The following PIWIL1 variants were observed in gnomAD, a reference collection of about 807,000 sequenced individuals.
PIWIL1 encodes the protein piwi like RNA-mediated gene silencing 1, also known as piwi-like protein 1.
PIWIL1 carries 73 observed loss-of-function variants against 114.4 expected under a neutral mutation model. The ratio of observed to expected loss-of-function variants is 0.64; its 90% confidence interval spans 0.53 to 0.78. PIWIL1 has a LOEUF of 0.78. Among genes scored for constraint, PIWIL1 ranks in the 30% least tolerant of loss-of-function variants. PIWIL1 has a pLI of 0.00. For missense variants in PIWIL1, 723 were observed against 1,063.1 expected (o/e 0.68, Z 4.45); for synonymous variants, 375 against 369.0 (o/e 1.02, Z -0.19).
chr12:130,424,707 G>A, the PIWIL1 span: 61 of 1,232,164 alleles, frequency 5.0e-5, no homozygotes, highest in South Asian at 1.6e-4. The surrounding 1 kb of genome is among the most constrained non-coding windows in gnomAD (Gnocchi z 9.8). Context: ...CCTGGGGGAC[G>A]GCCCTGCACC....
chr12:130,367,722 GC>G, intron 19 of PIWIL1, among the ~76,000 whole-genome samples: 1 of 152,354 alleles, frequency 6.6e-6, no homozygotes, highest in African/African-American at 2.4e-5. Context: ...CAGAATGCCA[GC>G]CGGAGCTTAC....
Position 130,355,744 on chromosome 12 carries a change from G to T in PIWIL1, c.1404+77G>T, listed in dbSNP as rs568861063. 26 of 1,008,168 alleles carry T rather than the reference G, an allele frequency of 2.6e-5. No individual in the cohort carries two copies. The East Asian group carries it at 5.5e-4, about 21-fold the overall frequency. 62.5% of individuals were successfully genotyped at this position (1,008,168 alleles called of 1,614,324 possible). On this transcript the variant is annotated intron_variant, in intron 12 of 20. Transcript: ENST00000245255. ...TCTGTCCCCCAGGCAGGAGTACAGT[G>T]GTGCAATCTCAGCTCACTGCAAGCT...
intron 12 of PIWIL1, among the ~76,000 whole-genome samples, chr12:130,356,336 G>T (rs1361961985): frequency 6.7e-6 from 1 of 148,178 alleles, no homozygotes; most frequent in Admixed American, 6.8e-5. Context: ...AATGTCCTGT[G>T]AACAGTGATC....
At chr12:130,406,953 T>C in the PIWIL1 span, among the ~76,000 whole-genome samples, 32,600 of 152,196 alleles carry the variant, frequency 0.21, 3,849 homozygotes, top group Non-Finnish European at 0.27. Flanking sequence ...AACATCTCTT[T>C]ATTCAGTGTC....
intron 10 of PIWIL1, 78 bp from the exon 11 acceptor site, chr12:130,354,810 A>G (rs1402966501): frequency 1.0e-5 from 14 of 1,371,884 alleles, no homozygotes; most frequent in Non-Finnish European, 1.2e-5. Context: ...ATTCCCACTC[A>G]CCATCACCCT....
At chr12:130,414,514 G>C in the PIWIL1 span, 1 of 465,626 alleles carries the variant, frequency 2.1e-6, no homozygotes, top group Non-Finnish European at 3.8e-6. Context: ...CTCTGTACCT[G>C]GCCACACTGC....
chr12:130,368,869 G>A (rs2073741422), intron 19 of PIWIL1, among the ~76,000 whole-genome samples: 1 of 151,922 alleles, frequency 6.6e-6, no homozygotes, highest in Admixed American at 6.6e-5. Flanking sequence ...CGGACACCTG[G>A]AGAAGCCCAC....
the PIWIL1 span, among the ~76,000 whole-genome samples, chr12:130,415,103 G>T: frequency 6.6e-6 from 1 of 152,064 alleles, no homozygotes; most frequent in Non-Finnish European, 1.5e-5. Context: ...AACAAAAAGA[G>T]AAAACTACAG....
At chr12:130,370,446 T>C (rs2073788305) in intron 19 of PIWIL1, among the ~76,000 whole-genome samples, 1 of 152,148 alleles carries the variant, frequency 6.6e-6, no homozygotes, top group Non-Finnish European at 1.5e-5. Context: ...AGCATTTGCA[T>C]TGTATTAGGT....
At chr12:130,358,484 A>C (rs2073425024) in intron 14 of PIWIL1, among the ~76,000 whole-genome samples, 1 of 152,140 alleles carries the variant, frequency 6.6e-6, no homozygotes, top group Admixed American at 6.6e-5. Context: ...TTTAGGTGGT[A>C]GTAATAATAG....
At chr12:130,423,477 C>T in the PIWIL1 span, among the ~76,000 whole-genome samples, 40,667 of 151,862 alleles carry the variant, frequency 0.27, 6,968 homozygotes, top group African/African-American at 0.47. Flanking sequence ...GCAAATGTTC[C>T]GAAAAGAGGA....
rs1466294161 is a variant in PIWIL1 at position 130,348,118 on chromosome 12, G to A, written c.669G>A (p.Met223Ile). 1 of 1,602,778 alleles carries A rather than the reference G, an allele frequency of 6.2e-7. No homozygotes were observed. Among genetic ancestry groups the A allele is most frequent in the East Asian group, 2.2e-5 (1 of 44,806 alleles). Reference sequence around the variant, plus strand: ...CCATTTCTAGGCTTTTGAAAATCATGAATTTGCAACAAATTGGACGAAATT... The same window carrying A: ...CCATTTCTAGGCTTTTGAAAATCATAAATTTGCAACAAATTGGACGAAATT... ...NIIFRRLLKI[M>I]NLQQIGRNYY... The change falls in exon 7 of 21, where the codon ATG becomes ATA. Residue 223 changes from methionine to isoleucine, a missense_variant. Physicochemically the swap from Met to Ile is conservative, Grantham distance 10 (BLOSUM62 1). Transcript: ENST00000245255.
At chr12:130,379,461 G>T in the PIWIL1 span, among the ~76,000 whole-genome samples, 10 of 114,768 alleles carry the variant, frequency 8.7e-5, no homozygotes, top group African/African-American at 2.8e-4. Context: ...AGCATTGACA[G>T]TTCCTTCAAT....
rs367867801 is a variant in PIWIL1, at chr12:130,346,353, A to G, written c.317-17A>G. 20 of 1,583,292 alleles carry G rather than the reference A, an allele frequency of 1.3e-5. No homozygotes were observed. Among genetic ancestry groups the G allele is most frequent in the South Asian group, 1.0e-4 (9 of 89,308 alleles). On this transcript the variant is annotated splice_polypyrimidine_tract_variant and intron_variant, in intron 4 of 20. Transcript: ENST00000245255. ...AAACTTGATATTTTGTTAATTGACT[A>G]TAACTTCCTTTTCCAGGTTCTTCAG...
chr12:130,355,355 T>A (rs1158006589), intron 11 of PIWIL1, among the ~76,000 whole-genome samples, 198 bp from the exon 12 acceptor site: 1 of 152,208 alleles, frequency 6.6e-6, no homozygotes, highest in Non-Finnish European at 1.5e-5. Context: ...AATTTTAAGT[T>A]AAAGAATGTC....
the PIWIL1 span, chr12:130,424,633 G>T: frequency 8.1e-7 from 1 of 1,231,882 alleles, no homozygotes. The surrounding 1 kb of genome is among the most constrained non-coding windows in gnomAD (Gnocchi z 9.8). Context: ...CAGGAGCCCC[G>T]AGGGGCCTCG....
At chr12:130,418,957 G>C in the PIWIL1 span, among the ~76,000 whole-genome samples, 1 of 152,220 alleles carries the variant, frequency 6.6e-6, no homozygotes, top group Admixed American at 6.5e-5. Flanking sequence ...ACAATGTCAC[G>C]TTGTTTTGGG....
At chr12:130,424,517 G>A in the PIWIL1 span, 1 of 1,232,008 alleles carries the variant, frequency 8.1e-7, no homozygotes, top group Non-Finnish European at 1.0e-6. The surrounding 1 kb of genome is among the most constrained non-coding windows in gnomAD (Gnocchi z 9.8). Context: ...CCAGGCCGCT[G>A]TCCGGGCTCC....
At chr12:130,408,717 G>A in the PIWIL1 span, among the ~76,000 whole-genome samples, 6 of 152,220 alleles carry the variant, frequency 3.9e-5, no homozygotes, top group Admixed American at 2.0e-4. Context: ...TCCTCCTGGC[G>A]AAAGTTGGCA....
Sources: allele counts gnomAD v4.1 joint callset (sites outside exome capture counted in the v4.1 genomes callset), GRCh38; gene constraint gnomAD v4.1.1; non-coding constraint Gnocchi (gnomAD v3.1); transcripts MANE v1.5; gene names NCBI Gene and HGNC (gene_info 2026-07-23, HGNC 2026-07-21).